Variants in CCDC146 observed in about 807,000 individuals in gnomAD.
CCDC146 encodes coiled-coil domain containing 146.
A neutral mutation model predicts 119.3 loss-of-function variants in CCDC146; 92 were observed. The ratio of observed to expected loss-of-function variants is 0.77; its 90% CI spans 0.65 to 0.92. CCDC146 has a LOEUF of 0.92. Among genes scored for constraint, CCDC146 ranks in the 40% least tolerant of loss-of-function variants. The probability of loss-of-function intolerance (pLI) is 0.00; values close to 1 mark genes in which losing one functional copy is unlikely to be tolerated. For missense variants in CCDC146, 1,000 were observed against 1,103.0 expected (o/e 0.91, Z 1.32); for synonymous variants, 372 against 371.8 (o/e 1.00, Z -0.01).
At chr7:77,292,806 C>T (rs117893314) in intron 17 of CCDC146, 146 bp from the exon 18 acceptor site, 9,749 of 748,754 alleles carry the variant, frequency 0.013, 92 homozygotes, top group Non-Finnish European at 0.017. Flanking sequence ...CAGTCTCTTC[C>T]AGTTCTTAAT....
At chr7:77,239,240 A>G (rs1467509592) in intron 3 of CCDC146, among the ~76,000 whole-genome samples, 2 of 152,242 alleles carry the variant, frequency 1.3e-5, no homozygotes, top group Non-Finnish European at 2.9e-5. Context: ...AACAGCTTAC[A>G]ATTTCAATAG....
chr7:77,281,404 C>T (rs956373508), intron 14 of CCDC146, among the ~76,000 whole-genome samples: 4 of 152,172 alleles, frequency 2.6e-5, no homozygotes, highest in Non-Finnish European at 5.9e-5. Context: ...TTCCAGGTTG[C>T]AGTTATATCA....
At chr7:77,147,029 C>T (rs1299815318) in intron 1 of CCDC146, among the ~76,000 whole-genome samples, 4 of 152,154 alleles carry the variant, frequency 2.6e-5, no homozygotes, top group South Asian at 2.1e-4. Flanking sequence ...CCATTCTCCC[C>T]GTCACTTTAA....
At position 77,288,486 on chromosome 7, in the gene CCDC146, G is replaced by A. The variant is rs749771788; in HGVS notation, c.2415+909G>A. ...GTACACCCATTTCTGGGTCATGTCC[G>A]TGCAGGCACGGGACTCACTCCTTCC... On this transcript the variant is annotated intron_variant, in intron 17 of 18. Coordinates refer to ENST00000285871, the MANE Select transcript of CCDC146 (RefSeq NM_020879.3). Among the ~76,000 whole-genome samples, 10 of 152,164 alleles carry A rather than the reference G, an allele frequency of 6.6e-5. No individual in the cohort carries two copies. The South Asian group carries it at 8.3e-4, about 13-fold the overall frequency.
intron 1 of CCDC146, among the ~76,000 whole-genome samples, chr7:77,160,226 G>A (rs1429253343): frequency 6.6e-6 from 1 of 152,002 alleles, no homozygotes; most frequent in Non-Finnish European, 1.5e-5. Flanking sequence ...TTGTTCTTTG[G>A]GCTTAGGATT....
intron 18 of CCDC146, among the ~76,000 whole-genome samples, 200 bp from the exon 19 acceptor site, chr7:77,294,463 G>GGTGTGTGTGT (rs61323999): frequency 0.015 from 1,947 of 134,244 alleles, 24 homozygotes; most frequent in East Asian, 0.017. Flanking sequence ...ATGAGAGGTA[G>GGTGTGTGTGT]GTGTGTGTGT....
intron 15 of CCDC146, among the ~76,000 whole-genome samples, chr7:77,285,061 A>T (rs1793825569): frequency 6.6e-6 from 1 of 151,830 alleles, no homozygotes; most frequent in Admixed American, 6.6e-5. Context: ...TCGGTCGTCC[A>T]TAACAGTTTT....
At chr7:77,133,712 A>C in intron 1 of CCDC146, among the ~76,000 whole-genome samples, 1 of 149,684 alleles carries the variant, frequency 6.7e-6, no homozygotes. Context: ...CATACAATGC[A>C]ATTGGACAAT....
intron 18 of CCDC146, among the ~76,000 whole-genome samples, 160 bp from the exon 19 acceptor site, chr7:77,294,503 T>TGTGTGG: frequency 6.7e-6 from 1 of 148,598 alleles, no homozygotes; most frequent in South Asian, 2.2e-4. Context: ...TGTGTGTGTG[T>TGTGTGG]GTGGTGTGAT....
chr7:77,193,158 A>G (rs906728962), intron 2 of CCDC146, among the ~76,000 whole-genome samples: 6 of 152,206 alleles, frequency 3.9e-5, no homozygotes, highest in African/African-American at 7.2e-5. Context: ...GAAAAAGAGG[A>G]GAGGAAGTTG....
rs867142505 is a variant in CCDC146 at position 77,203,042 on chromosome 7, C to G, written c.157-33905C>G. On this transcript the variant is annotated intron_variant, in intron 2 of 18. Transcript: ENST00000285871. Reference sequence around the variant, plus strand: ...AAAATAAAATACTTGCCCCCCCCCCCCCCAGGACTATTTTAGGAATGAATC... The same window carrying G: ...AAAATAAAATACTTGCCCCCCCCCCGCCCAGGACTATTTTAGGAATGAATC... 5.4e-3 allele frequency among the ~76,000 whole-genome samples: 786 copies of G among 145,862 alleles called. 13 individuals are homozygous for G. Among genetic ancestry groups the G allele is most frequent in the African/African-American group, 0.017 (691 of 40,052 alleles).
At chr7:77,200,410 T>C (rs1490236954) in intron 2 of CCDC146, among the ~76,000 whole-genome samples, 2 of 152,236 alleles carry the variant, frequency 1.3e-5, no homozygotes, top group African/African-American at 4.8e-5. Context: ...GAGAAAAAAG[T>C]GCTACTTTCT....
intron 1 of CCDC146, among the ~76,000 whole-genome samples, chr7:77,159,385 A>G (rs1427501957): frequency 6.6e-6 from 1 of 152,192 alleles, no homozygotes; most frequent in South Asian, 2.1e-4. Context: ...TTCCATATAT[A>G]AGTGAGATCA....
chr7:77,277,739 C>T (rs1242508507), intron 11 of CCDC146, among the ~76,000 whole-genome samples: 2 of 152,184 alleles, frequency 1.3e-5, no homozygotes, highest in Non-Finnish European at 2.9e-5. Context: ...TAGAAAAATG[C>T]TACACATCAA....
In CCDC146 at chr7:77,290,260, G is replaced by T. The variant is rs568156701; in HGVS notation, c.2415+2683G>T. Among the ~76,000 whole-genome samples, 26 of 151,658 alleles carry T rather than the reference G, an allele frequency of 1.7e-4. No homozygotes were observed. In the East Asian group the frequency reaches 2.5e-3, roughly 15 times the overall value. ...GGGGTGGGGGGAGGGATAGCATTAG[G>T]AGATATACCTAATGTAAATGATGAG... On this transcript the variant is annotated intron_variant, in intron 17 of 18. Coordinates refer to ENST00000285871, the MANE Select transcript of CCDC146 (RefSeq NM_020879.3).
At chr7:77,217,420 T>TATTC (rs58942687) in intron 2 of CCDC146, among the ~76,000 whole-genome samples, 65,746 of 151,418 alleles carry the variant, frequency 0.43, 16,687 homozygotes, top group African/African-American at 0.71. Context: ...TTCAGCTACA[T>TATTC]ATTTATGTTT....
At chr7:77,181,300 A>C (rs1306870704) in intron 2 of CCDC146, among the ~76,000 whole-genome samples, 1 of 152,158 alleles carries the variant, frequency 6.6e-6, no homozygotes, top group Non-Finnish European at 1.5e-5. Flanking sequence ...GGGCCCATTC[A>C]TAAGGTCTGT....
chr7:77,195,229 A>G (rs1791845322), intron 2 of CCDC146: 1 of 148,290 alleles, frequency 6.7e-6, no homozygotes, highest in African/African-American at 2.5e-5. Context: ...ATTAAAAGCT[A>G]TTGTTCACAC....
rs542859621 is a variant in CCDC146, at chr7:77,183,138, G to A, written c.156+15314G>A. Among the ~76,000 whole-genome samples the A allele has an allele frequency of 8.5e-5, 13 of 152,094 alleles. No individual in the cohort carries two copies. The East Asian group carries it at 2.1e-3, about 25-fold the overall frequency. On this transcript the variant is annotated intron_variant, in intron 2 of 18. Transcript: ENST00000285871. Reference sequence around the variant, plus strand: ...CCCCAAATTCCTCATCACAACAGACGCCTCTCCCACACCTCTTTCTTCCCT... The same window carrying A: ...CCCCAAATTCCTCATCACAACAGACACCTCTCCCACACCTCTTTCTTCCCT...
Sources: gnomAD v4.1 joint callset for allele counts (sites outside exome capture counted in the v4.1 genomes callset) on GRCh38, gnomAD v4.1.1 for gene constraint, MANE v1.5 for transcripts, NCBI Gene and HGNC (gene_info 2026-07-23, HGNC 2026-07-21) for gene names.